GMDS: variants seen among roughly 807,000 people sequenced by gnomAD.
GMDS encodes the protein GDP-mannose 4,6 dehydratase.
Under a neutral mutation model 49.9 loss-of-function variants are expected in GMDS, and 20 were observed. That is an observed-to-expected ratio of 0.40 (90% confidence interval 0.28 to 0.58). GMDS has a LOEUF of 0.58. Among genes scored for constraint, GMDS ranks in the 20% least tolerant of loss-of-function variants. The pLI is 0.42. For missense variants in GMDS, 362 were observed against 481.4 expected (o/e 0.75, Z 2.32); for synonymous variants, 177 against 178.6 (o/e 0.99, Z 0.07).
At chr6:1,990,612 T>C (rs1222726494) in intron 4 of GMDS, among the ~76,000 whole-genome samples, 1 of 152,190 alleles carries the variant, frequency 6.6e-6, no homozygotes, top group Non-Finnish European at 1.5e-5. Flanking sequence ...GGGTCTCTTG[T>C]CACCTAGGCT....
At chr6:1,770,313 T>C (rs1307797931) in intron 7 of GMDS, among the ~76,000 whole-genome samples, 1 of 152,224 alleles carries the variant, frequency 6.6e-6, no homozygotes, top group East Asian at 1.9e-4. Context: ...AAAGCCACAA[T>C]TTCCAGTGAT....
At chr6:1,974,624 C>A (rs2127329839) in intron 4 of GMDS, among the ~76,000 whole-genome samples, 2 of 152,202 alleles carry the variant, frequency 1.3e-5, no homozygotes, top group South Asian at 4.2e-4. Flanking sequence ...AACAGACAAA[C>A]TAAAATGTCG....
chr6:1,748,017 C>T (rs147374701), intron 7 of GMDS, among the ~76,000 whole-genome samples: 1 of 152,324 alleles, frequency 6.6e-6, no homozygotes, highest in Non-Finnish European at 1.5e-5. Context: ...ATAGCTCTTG[C>T]TTCTTTCTTT....
intron 1 of GMDS, among the ~76,000 whole-genome samples, chr6:2,238,703 T>C (rs1456380648): frequency 6.6e-6 from 1 of 152,182 alleles, no homozygotes; most frequent in Non-Finnish European, 1.5e-5. Context: ...GTGGGCATAA[T>C]TAACTCCATT....
chr6:1,728,504 T>C (rs937871320), intron 8 of GMDS, among the ~76,000 whole-genome samples: 2 of 152,234 alleles, frequency 1.3e-5, no homozygotes, highest in African/African-American at 4.8e-5. Context: ...CTGACTTATG[T>C]GCGCACCAAT....
chr6:1,625,446 C>G (rs1455717039), intron 9 of GMDS: 1 of 152,262 alleles, frequency 6.6e-6, no homozygotes. Flanking sequence ...CGCCACCGTC[C>G]CCTCTGGCAG....
chr6:2,117,703 C>T, intron 2 of GMDS, 147 bp from the exon 3 acceptor site: 1 of 602,784 alleles, frequency 1.7e-6, no homozygotes, highest in Non-Finnish European at 3.0e-6. Flanking sequence ...TTCTCCCCAA[C>T]CACTGTCCAC....
intron 7 of GMDS, among the ~76,000 whole-genome samples, chr6:1,829,013 A>G (rs1771244116): frequency 6.6e-6 from 1 of 152,264 alleles, no homozygotes. Flanking sequence ...TACAATGAAG[A>G]AAGCTACGGG....
intron 7 of GMDS, among the ~76,000 whole-genome samples, chr6:1,826,007 C>T (rs1771096497): frequency 6.6e-6 from 1 of 152,038 alleles, no homozygotes; most frequent in Admixed American, 6.5e-5. Context: ...CAGATTGAGG[C>T]TCTCTCTCAA....
intron 4 of GMDS, among the ~76,000 whole-genome samples, chr6:2,104,204 T>C (rs748388881): frequency 3.3e-5 from 5 of 152,236 alleles, no homozygotes; most frequent in Non-Finnish European, 7.3e-5. Flanking sequence ...ATGCATATTA[T>C]CTTAGCTGAT....
chr6:1,713,076 G>A (rs1260745635), intron 9 of GMDS, among the ~76,000 whole-genome samples: 1 of 152,210 alleles, frequency 6.6e-6, no homozygotes. Flanking sequence ...ATCCAGCCAC[G>A]GATGTCAGAC....
intron 8 of GMDS, among the ~76,000 whole-genome samples, chr6:1,727,306 C>G (rs1301324675): frequency 1.3e-5 from 2 of 152,164 alleles, no homozygotes; most frequent in Non-Finnish European, 2.9e-5. Context: ...TACCTTCTCG[C>G]TAAAATTCTA....
intron 7 of GMDS, among the ~76,000 whole-genome samples, chr6:1,775,987 G>A (rs1489613022): frequency 3.3e-5 from 5 of 152,162 alleles, no homozygotes; most frequent in Non-Finnish European, 7.3e-5. Context: ...ATATTCTACT[G>A]AGCAATACAA....
intron 7 of GMDS, among the ~76,000 whole-genome samples, chr6:1,860,001 G>A (rs921402705): frequency 1.3e-5 from 2 of 152,140 alleles, no homozygotes; most frequent in Admixed American, 1.3e-4. Flanking sequence ...AGATTGTCTT[G>A]CAGACAGTCC....
At chr6:1,845,647 C>T (rs554656134) in intron 7 of GMDS, among the ~76,000 whole-genome samples, 1 of 152,260 alleles carries the variant, frequency 6.6e-6, no homozygotes, top group South Asian at 2.1e-4. Context: ...AATTTTTCCA[C>T]GGACTGGGGG....
In GMDS at chr6:1,707,236, T is replaced by C. The variant is rs189249940; in HGVS notation, c.987+19180A>G. Among the ~76,000 whole-genome samples, 43 of 152,330 alleles carry C rather than the reference T, an allele frequency of 2.8e-4. 1 individual carries two copies. Among genetic ancestry groups the C allele is most frequent in the Non-Finnish European group, 1.3e-4 (9 of 68,038 alleles). On this transcript the variant is annotated intron_variant, in intron 9 of 10. Transcript: ENST00000380815. ...ACCAGAACCACGTCTCTGCTAACCA[T>C]ACTTTTTAATGTGACTTTAAGGAAG...
chr6:2,137,333 C>CT (rs79714655), intron 1 of GMDS, among the ~76,000 whole-genome samples: 2,914 of 133,470 alleles, frequency 0.022, 31 homozygotes, highest in Non-Finnish European at 0.025. Flanking sequence ...GCTATATTCC[C>CT]TTTTTTTTTT....
intron 4 of GMDS, among the ~76,000 whole-genome samples, chr6:2,052,116 C>CAAAAAAAAAAAAAAA (rs1285013159): frequency 1.8e-3 from 77 of 43,538 alleles, no homozygotes; most frequent in East Asian, 4.3e-3. Context: ...GACTCTGTCT[C>CAAAAAAAAAAAAAAA]AAAAAAAAAA....
intron 7 of GMDS, among the ~76,000 whole-genome samples, chr6:1,825,644 A>T (rs148499808): frequency 6.6e-6 from 1 of 152,312 alleles, no homozygotes; most frequent in African/African-American, 2.4e-5. Context: ...AAGCAACTAT[A>T]ACATGGTGAT....
Sources: gnomAD v4.1 joint callset for allele counts (sites outside exome capture counted in the v4.1 genomes callset) on GRCh38, gnomAD v4.1.1 for gene constraint, MANE v1.5 for transcripts, NCBI Gene and HGNC (gene_info 2026-07-23, HGNC 2026-07-21) for gene names.